The following RANBP9 variants were observed in gnomAD, a reference collection of about 807,000 sequenced individuals.
The protein encoded by RANBP9 is RAN binding protein 9.
Under a neutral mutation model 84.3 loss-of-function variants are expected in RANBP9, and 15 were observed. That is an observed-to-expected ratio of 0.18 (90% CI 0.12 to 0.27). The LOEUF (loss-of-function observed/expected upper bound fraction) is 0.27. RANBP9 is among the 10% of genes least tolerant of loss of function. The pLI, the probability that RANBP9 is intolerant of heterozygous loss-of-function variation, is 1.00. For missense variants in RANBP9, 809 were observed against 912.8 expected (o/e 0.89, Z 1.46); for synonymous variants, 392 against 349.6 (o/e 1.12, Z -1.35).
intron 5 of RANBP9, among the ~76,000 whole-genome samples, chr6:13,649,667 C>T (rs1014828624): frequency 1.3e-5 from 2 of 152,110 alleles, no homozygotes; most frequent in Non-Finnish European, 2.9e-5. Context: ...CTATGCGACA[C>T]CGACATTTTC....
intron 2 of RANBP9, among the ~76,000 whole-genome samples, chr6:13,691,643 CAG>C (rs1766323600): frequency 2.6e-5 from 4 of 151,888 alleles, no homozygotes; most frequent in Admixed American, 2.6e-4. Context: ...AAAGAAAACT[CAG>C]TGTTTTTTTT....
intron 4 of RANBP9, among the ~76,000 whole-genome samples, chr6:13,654,297 T>C (rs896531593): frequency 1.3e-5 from 2 of 152,216 alleles, no homozygotes; most frequent in Non-Finnish European, 2.9e-5. Context: ...ATTCATAATT[T>C]CCTGATTTGT....
chr6:13,638,682 A>C (rs1044732040), intron 9 of RANBP9, among the ~76,000 whole-genome samples: 2 of 152,132 alleles, frequency 1.3e-5, no homozygotes, highest in East Asian at 3.9e-4. Flanking sequence ...AGAAACAAAA[A>C]CAAAACCAAA....
intron 2 of RANBP9, among the ~76,000 whole-genome samples, chr6:13,665,698 A>C (rs1765629064): frequency 6.6e-6 from 1 of 152,188 alleles, no homozygotes; most frequent in Non-Finnish European, 1.5e-5. Flanking sequence ...ATTTCTTCAC[A>C]ACAGTGAAAA....
chr6:13,692,417 C>T (rs1766342964), intron 2 of RANBP9, among the ~76,000 whole-genome samples: 1 of 148,512 alleles, frequency 6.7e-6, no homozygotes, highest in Admixed American at 6.9e-5. Flanking sequence ...AATCCAGCTA[C>T]TCGGAAGGCT....
Position 13,622,246 on chromosome 6 carries a change from C to G in RANBP9, c.*116G>C. ...TAAACTAGGAAGCAATGTAAAGCGA[C>G]AAAAACCTGTCCCCAGTACATAATT... On this transcript the variant is annotated 3_prime_UTR_variant, in exon 14 of 14. Coordinates refer to ENST00000011619, the MANE Select transcript of RANBP9 (RefSeq NM_005493.3). 8.8e-7 allele frequency: 1 copy of G among 1,136,460 alleles called. No individual in the cohort carries two copies. Among genetic ancestry groups the G allele is most frequent in the Non-Finnish European group, 1.1e-6 (1 of 869,834 alleles). The allele number at this position is 1,136,460 out of a possible 1,614,324, so 70.4% of individuals were successfully genotyped here. A position where few individuals can be genotyped will look rare whatever the true frequency, so the allele number is the denominator to read the frequency against.
chr6:13,636,785 A>G (rs754795290), intron 10 of RANBP9, among the ~76,000 whole-genome samples: 20 of 152,164 alleles, frequency 1.3e-4, no homozygotes, highest in Admixed American at 1.3e-4. Flanking sequence ...CACACACACT[A>G]TTACTTCAGT....
chr6:13,696,711 C>A, intron 2 of RANBP9, 74 bp downstream of exon 2: 2 of 1,254,394 alleles, frequency 1.6e-6, no homozygotes, highest in Non-Finnish European at 2.2e-6. Flanking sequence ...TTCCAACTTT[C>A]CAATTACATC....
chr6:13,662,548 C>T (rs1369788928), intron 2 of RANBP9, among the ~76,000 whole-genome samples: 1 of 152,102 alleles, frequency 6.6e-6, no homozygotes, highest in Non-Finnish European at 1.5e-5. Flanking sequence ...ATGAAGGCTC[C>T]ACCCTCAGGA....
At chr6:13,707,802 T>A (rs867808528) in intron 1 of RANBP9, among the ~76,000 whole-genome samples, 1 of 152,222 alleles carries the variant, frequency 6.6e-6, no homozygotes, top group African/African-American at 2.4e-5. Context: ...ACATTTAAAC[T>A]AAGTCCATTG....
At chr6:13,709,873 T>C (rs1679039811) in intron 1 of RANBP9, among the ~76,000 whole-genome samples, 1 of 152,234 alleles carries the variant, frequency 6.6e-6, no homozygotes, top group African/African-American at 2.4e-5. Context: ...CACTAGGATC[T>C]GAGTAGACCC....
chr6:13,706,646 T>C (rs1239054540), intron 1 of RANBP9, among the ~76,000 whole-genome samples: 2 of 147,290 alleles, frequency 1.4e-5, no homozygotes, highest in Non-Finnish European at 3.0e-5. Context: ...TGAGCCAAGA[T>C]GGCGCCACTG....
chr6:13,710,827 G>T, intron 1 of RANBP9, 108 bp downstream of exon 1: 1 of 1,268,016 alleles, frequency 7.9e-7, no homozygotes, highest in Non-Finnish European at 1.1e-6. Context: ...GGCCTCCGAG[G>T]GCAGAGCCCG....
At chr6:13,688,994 A>AG (rs2113344525) in intron 2 of RANBP9, among the ~76,000 whole-genome samples, 1 of 143,354 alleles carries the variant, frequency 7.0e-6, no homozygotes, top group East Asian at 1.9e-4. Context: ...AAAAAAAAAA[A>AG]AAAAAAAAAA....
At chr6:13,630,788 G>GC (rs1396822243) in intron 12 of RANBP9, among the ~76,000 whole-genome samples, 3 of 151,782 alleles carry the variant, frequency 2.0e-5, no homozygotes, top group Non-Finnish European at 2.9e-5. Context: ...ATTAAACCAA[G>GC]CATTAAAGAG....
chr6:13,672,010 T>C (rs1765789109), intron 2 of RANBP9, among the ~76,000 whole-genome samples: 1 of 152,078 alleles, frequency 6.6e-6, no homozygotes, highest in Non-Finnish European at 1.5e-5. Flanking sequence ...CTAAAGCCAA[T>C]AACTGGAAGG....
At chr6:13,674,440 G>A (rs1765843494) in intron 2 of RANBP9, among the ~76,000 whole-genome samples, 1 of 152,154 alleles carries the variant, frequency 6.6e-6, no homozygotes, top group South Asian at 2.1e-4. Flanking sequence ...TAATGATCAA[G>A]GATCAATTAT....
chr6:13,690,532 AG>A (rs1390823115), intron 2 of RANBP9, among the ~76,000 whole-genome samples: 3 of 152,202 alleles, frequency 2.0e-5, no homozygotes, highest in African/African-American at 7.2e-5. Flanking sequence ...TATTATCAGC[AG>A]AAGAATTTAG....
In RANBP9 at chr6:13,652,766, A is replaced by G. The variant is rs1554223299; in HGVS notation, c.905-85T>C. ...AGCTGAATTTCTAACTAAAAGGAGG[A>G]AACAAATGGCAAAAGAAAAAAACAT... On this transcript the variant is annotated intron_variant, in intron 4 of 13. Transcript: ENST00000011619. The G allele has an allele frequency of 4.0e-5, 48 of 1,186,438 alleles. 1 individual carries two copies. The South Asian group carries it at 6.4e-4, about 16-fold the overall frequency. 73.5% of individuals were successfully genotyped at this position (1,186,438 alleles called of 1,614,324 possible). A position where few individuals can be genotyped will look rare whatever the true frequency, so the allele number is the denominator to read the frequency against.
Sources: gnomAD v4.1 joint callset for allele counts (sites outside exome capture counted in the v4.1 genomes callset) on GRCh38, gnomAD v4.1.1 for gene constraint, MANE v1.5 for transcripts, NCBI Gene and HGNC (gene_info 2026-07-23, HGNC 2026-07-21) for gene names.